The following TAFA1 variants were observed in gnomAD, a reference collection of about 807,000 sequenced individuals.
TAFA1 encodes the protein TAFA chemokine like family member 1.
Under a neutral mutation model 18.5 loss-of-function variants are expected in TAFA1, and 4 were observed. The observed-to-expected ratio is 0.22, with a 90% confidence interval of 0.11 to 0.49. The LOEUF (loss-of-function observed/expected upper bound fraction) is 0.49. Among genes scored for constraint, TAFA1 ranks in the 20% least tolerant of loss-of-function variants. The probability of loss-of-function intolerance (pLI) is 0.98; values close to 1 mark genes in which losing one functional copy is unlikely to be tolerated. For missense variants in TAFA1, 147 were observed against 169.0 expected (o/e 0.87, Z 0.72); for synonymous variants, 56 against 55.2 (o/e 1.01, Z -0.06).
chr3:68,034,383 T>G (rs1220205465), intron 2 of TAFA1, among the ~76,000 whole-genome samples: 15 of 152,210 alleles, frequency 9.9e-5, no homozygotes, highest in Non-Finnish European at 1.5e-5. Flanking sequence ...AAACCTATAA[T>G]GTACTACCAT....
At chr3:68,339,277 A>G (rs2069039302) in intron 2 of TAFA1, among the ~76,000 whole-genome samples, 1 of 152,370 alleles carries the variant, frequency 6.6e-6, no homozygotes, top group Middle Eastern at 3.4e-3. Flanking sequence ...TCTACAAATT[A>G]AAACAAGATT....
chr3:68,107,284 C>A (rs1057059926), intron 2 of TAFA1, among the ~76,000 whole-genome samples: 6 of 152,084 alleles, frequency 3.9e-5, no homozygotes, highest in Non-Finnish European at 7.4e-5. Context: ...TATGGTCCAG[C>A]AATTCTAGTC....
In TAFA1 at chr3:68,013,788, C is replaced by T. The variant is rs112505209; in HGVS notation, c.118+7044C>T. 2.7e-3 allele frequency among the ~76,000 whole-genome samples: 412 copies of T among 152,250 alleles called. 1 individual carries two copies. Among genetic ancestry groups the T allele is most frequent in the African/African-American group, 9.3e-3 (387 of 41,548 alleles). On this transcript the variant is annotated intron_variant, in intron 2 of 4. Coordinates refer to ENST00000478136, the MANE Select transcript of TAFA1 (RefSeq NM_213609.4). ...AACTCTGTTGGCCCATTATTTCTTT[C>T]TCTTTTCCCAACTTCATATAATAAA...
At chr3:68,360,517 G>C (rs939587294) in intron 2 of TAFA1, among the ~76,000 whole-genome samples, 3 of 151,976 alleles carry the variant, frequency 2.0e-5, no homozygotes, top group Admixed American at 6.6e-5. Context: ...GCACAAAGTA[G>C]AGTAGCGGCT....
At chr3:68,053,515 A>G (rs1443530313) in intron 2 of TAFA1, among the ~76,000 whole-genome samples, 1 of 151,920 alleles carries the variant, frequency 6.6e-6, no homozygotes, top group Non-Finnish European at 1.5e-5. Flanking sequence ...AAACCTTGAC[A>G]TCTGTATTTT....
chr3:68,023,830 G>C (rs1466052228), intron 2 of TAFA1, among the ~76,000 whole-genome samples: 1 of 152,076 alleles, frequency 6.6e-6, no homozygotes, highest in African/African-American at 2.4e-5. Context: ...ATATGGCCCA[G>C]CTCCTCATTT....
At chr3:68,014,252 G>A (rs924552140) in intron 2 of TAFA1, among the ~76,000 whole-genome samples, 2 of 152,174 alleles carry the variant, frequency 1.3e-5, no homozygotes, top group African/African-American at 2.4e-5. Flanking sequence ...CAGTGTTCCT[G>A]AAATTAACAG....
At chr3:68,078,947 C>CT (rs1386810127) in intron 2 of TAFA1, among the ~76,000 whole-genome samples, 1 of 152,126 alleles carries the variant, frequency 6.6e-6, no homozygotes, top group South Asian at 2.1e-4. Flanking sequence ...GTCCTGTACT[C>CT]TTTTTGGCTG....
chr3:68,022,830 AATATATATATATTATATATATAT>A (rs1704722798), intron 2 of TAFA1, among the ~76,000 whole-genome samples: 1 of 54,820 alleles, frequency 1.8e-5, no homozygotes, highest in Admixed American at 2.8e-4. Context: ...TATTATATAT[AATATATATATATTATATATATAT>A]ATATATAAAA....
chr3:68,033,438 T>A (rs1227707814), intron 2 of TAFA1, among the ~76,000 whole-genome samples: 1 of 152,198 alleles, frequency 6.6e-6, no homozygotes, highest in South Asian at 2.1e-4. Context: ...ATTTTGTATG[T>A]TTTTTAAGGG....
rs112995767 is a variant in TAFA1 at position 68,205,526 on chromosome 3, G to A, written c.118+198782G>A. Among the ~76,000 whole-genome samples, 29 of 151,974 alleles carry A rather than the reference G, an allele frequency of 1.9e-4. 1 individual carries two copies. Among genetic ancestry groups the A allele is most frequent in the East Asian group, 3.9e-4 (2 of 5,120 alleles). On this transcript the variant is annotated intron_variant, in intron 2 of 4. Transcript: ENST00000478136. ...ATGTGGATATTTAGAGCTCAAAAGCGGAGAGATTCTGACAGTATTTGATAG... is the reference window on the plus strand; with the variant it reads ...ATGTGGATATTTAGAGCTCAAAAGCAGAGAGATTCTGACAGTATTTGATAG...
At chr3:68,534,040 A>G (rs2073233091) in intron 3 of TAFA1, among the ~76,000 whole-genome samples, 1 of 152,292 alleles carries the variant, frequency 6.6e-6, no homozygotes, top group Middle Eastern at 3.4e-3. Flanking sequence ...TATGTCTTTG[A>G]CATACTTTGA....
At chr3:68,274,041 C>T (rs773410434) in intron 2 of TAFA1, among the ~76,000 whole-genome samples, 16 of 152,146 alleles carry the variant, frequency 1.1e-4, no homozygotes, top group Non-Finnish European at 1.6e-4. Context: ...TATGAGATTA[C>T]CTGCCAAGAA....
the TAFA1 span, among the ~76,000 whole-genome samples, chr3:67,992,641 C>G: frequency 6.6e-6 from 1 of 152,152 alleles, no homozygotes; most frequent in African/African-American, 2.4e-5. Flanking sequence ...ATACATAATA[C>G]ATAAACAAAT....
At chr3:68,347,447 T>G (rs1271248778) in intron 2 of TAFA1, among the ~76,000 whole-genome samples, 1 of 152,330 alleles carries the variant, frequency 6.6e-6, no homozygotes. Flanking sequence ...TGCAGCACCA[T>G]AACACTTTCT....
chr3:68,222,037 C>T (rs1310341870), intron 2 of TAFA1, among the ~76,000 whole-genome samples: 1 of 152,156 alleles, frequency 6.6e-6, no homozygotes, highest in African/African-American at 2.4e-5. Context: ...ACCAAAAATC[C>T]TCTAACTTTT....
chr3:68,459,556 G>T (rs967410215), intron 3 of TAFA1, among the ~76,000 whole-genome samples: 8 of 152,144 alleles, frequency 5.3e-5, no homozygotes, highest in African/African-American at 2.4e-5. Context: ...TCTGAGAATT[G>T]AATAAATATA....
chr3:68,497,890 G>T (rs1349567415), intron 3 of TAFA1, among the ~76,000 whole-genome samples: 1 of 152,148 alleles, frequency 6.6e-6, no homozygotes, highest in African/African-American at 2.4e-5. Flanking sequence ...TGATGGCATG[G>T]ATAGAGAAAA....
intron 2 of TAFA1, among the ~76,000 whole-genome samples, chr3:68,336,781 T>C (rs1158285): frequency 0.37 from 56,871 of 152,108 alleles, 10,852 homozygotes; most frequent in South Asian, 0.47. Flanking sequence ...TGGAGTGCTG[T>C]GGCACGATCT....
Sources: gnomAD v4.1 joint callset for allele counts (sites outside exome capture counted in the v4.1 genomes callset) on GRCh38, gnomAD v4.1.1 for gene constraint, MANE v1.5 for transcripts, NCBI Gene and HGNC (gene_info 2026-07-23, HGNC 2026-07-21) for gene names.